Variants in ICA1L observed in about 807,000 individuals in gnomAD.
ICA1L encodes islet cell autoantigen 1 like, also known as islet cell autoantigen 1-like protein.
Under a neutral mutation model 61.3 loss-of-function variants are expected in ICA1L, and 50 were observed. That is an observed-to-expected ratio of 0.82 (90% CI 0.65 to 1.03). The LOEUF (loss-of-function observed/expected upper bound fraction) is 1.03. ICA1L is among the 50% of genes least tolerant of loss of function. The pLI, the probability that ICA1L is intolerant of heterozygous loss-of-function variation, is 0.00. For synonymous variants in ICA1L, 161 were observed against 191.3 expected (o/e 0.84, Z 1.31); for missense variants, 508 against 556.7 (o/e 0.91, Z 0.88).
rs554455479 is a variant in ICA1L at position 202,856,672 on chromosome 2, G to A, written c.-8+14947C>T. On this transcript the variant is annotated intron_variant, in intron 1 of 12. Coordinates refer to ENST00000358299, the MANE Select transcript of ICA1L (RefSeq NM_001288622.3). ...AAAGAAATAAAGGGTATTCAAATAG[G>A]AAGAGAGGAAGTCAACTTATCTCTG... 5.9e-5 allele frequency among the ~76,000 whole-genome samples: 9 copies of A among 152,252 alleles called. No homozygotes were observed. In the South Asian group the frequency reaches 1.7e-3, roughly 28 times the overall value.
chr2:202,850,956 C>CAT (rs1694600866), intron 1 of ICA1L, among the ~76,000 whole-genome samples: 1 of 151,712 alleles, frequency 6.6e-6, no homozygotes, highest in Non-Finnish European at 1.5e-5. Flanking sequence ...AGAACCCCTA[C>CAT]AAGCCAGAAG....
chr2:202,793,972 T>TA (rs1338535444), intron 10 of ICA1L, among the ~76,000 whole-genome samples: 1 of 141,546 alleles, frequency 7.1e-6, no homozygotes, highest in Non-Finnish European at 1.5e-5. Context: ...GGCAACGAGT[T>TA]AAACTCCAGC....
At chr2:202,786,721 T>C in intron 11 of ICA1L, 1 of 453,556 alleles carries the variant, frequency 2.2e-6, no homozygotes, top group Non-Finnish European at 4.4e-6. Flanking sequence ...CTTAAGGAAA[T>C]AATTTAGCTG....
chr2:202,867,038 G>GA (rs1260541916), intron 1 of ICA1L, among the ~76,000 whole-genome samples: 2 of 151,354 alleles, frequency 1.3e-5, no homozygotes, highest in African/African-American at 2.4e-5. Context: ...CATTATAAAA[G>GA]AAAAAAAATC....
At chr2:202,779,684 C>T (rs1692333934) in intron 12 of ICA1L, 36 bp from the exon 13 acceptor site, 1 of 1,221,314 alleles carries the variant, frequency 8.2e-7, no homozygotes. Context: ...TAAAGAGATT[C>T]AGTTTTGAAA....
chr2:202,789,561 C>A (rs540151630), intron 10 of ICA1L, among the ~76,000 whole-genome samples: 2 of 152,146 alleles, frequency 1.3e-5, no homozygotes, highest in East Asian at 3.9e-4. Flanking sequence ...TATACTAAGG[C>A]ACACACACAC....
At chr2:202,870,417 C>A (rs1687665240) in intron 1 of ICA1L, 1 of 152,106 alleles carries the variant, frequency 6.6e-6, no homozygotes, top group African/African-American at 2.4e-5. Context: ...ACTAGATAAA[C>A]AATCATTTTG....
chr2:202,796,916 G>T lies in ICA1L; in HGVS notation c.959C>A (p.Ala320Glu). 1 of 1,600,736 alleles carries T rather than the reference G, an allele frequency of 6.2e-7. No individual in the cohort carries two copies. The change falls in exon 10 of 13, where the codon GCA becomes GAA. Residue 320 changes from alanine (A) to glutamate (E), a missense_variant. By Grantham distance (107) the Ala-to-Glu change is moderately radical. Transcript: ENST00000358299. ...EKHSQMREFG[A>E]PQFSNSENVA... is the part of the protein sequence containing the mutation. ...ATTTTCAGAGTTAGAAAACTGAGGT[G>T]CTCCAAATTCTCTCATTTGAGAATG...
chr2:202,806,816 AATG>A (rs1388971029), intron 9 of ICA1L, among the ~76,000 whole-genome samples: 3 of 152,310 alleles, frequency 2.0e-5, no homozygotes, highest in African/African-American at 7.2e-5. Context: ...GAGAGCCATA[AATG>A]ATGTTTTAAA....
chr2:202,796,475 G>A (rs558052510), intron 10 of ICA1L, among the ~76,000 whole-genome samples: 56 of 152,268 alleles, frequency 3.7e-4, no homozygotes, highest in African/African-American at 1.3e-3. Context: ...TACAGATAAG[G>A]AAACCAGAAC....
intron 1 of ICA1L, among the ~76,000 whole-genome samples, chr2:202,855,406 A>G (rs775556672): frequency 3.9e-5 from 6 of 152,198 alleles, no homozygotes; most frequent in Non-Finnish European, 7.3e-5. Flanking sequence ...TAGCCAGACT[A>G]ATGAAAAAAG....
intron 1 of ICA1L, among the ~76,000 whole-genome samples, chr2:202,863,339 C>G (rs1559152201): frequency 6.6e-6 from 1 of 151,826 alleles, no homozygotes; most frequent in East Asian, 1.9e-4. Context: ...ATGCTTCCAC[C>G]TTAAGAAGTT....
At chr2:202,793,813 C>G (rs549464740) in intron 10 of ICA1L, among the ~76,000 whole-genome samples, 3 of 151,354 alleles carry the variant, frequency 2.0e-5, no homozygotes, top group Non-Finnish European at 4.4e-5. Flanking sequence ...ATGGTGAAAC[C>G]CCATCTCTAC....
At chr2:202,850,087 G>A (rs1694576705) in intron 1 of ICA1L, among the ~76,000 whole-genome samples, 1 of 152,032 alleles carries the variant, frequency 6.6e-6, no homozygotes, top group Non-Finnish European at 1.5e-5. Flanking sequence ...CAAACAGAAA[G>A]CAATAACATC....
chr2:202,796,093 C>T (rs545329432), intron 10 of ICA1L, among the ~76,000 whole-genome samples: 116 of 146,060 alleles, frequency 7.9e-4, no homozygotes, highest in Middle Eastern at 3.6e-3. Context: ...AAAAAGGTAA[C>T]GTTTGATCCA....
intron 10 of ICA1L, among the ~76,000 whole-genome samples, chr2:202,792,783 G>A (rs577528757): frequency 9.2e-5 from 14 of 152,084 alleles, no homozygotes; most frequent in Admixed American, 3.3e-4. Context: ...CAGCCTGGGC[G>A]ACAGAGTGAG....
intron 1 of ICA1L, among the ~76,000 whole-genome samples, chr2:202,838,964 C>T (rs1694233799): frequency 6.6e-6 from 1 of 152,184 alleles, no homozygotes; most frequent in Non-Finnish European, 1.5e-5. Flanking sequence ...ACTCACTTAT[C>T]ACCATGGGGA....
At chr2:202,845,284 G>C (rs1394769814) in intron 1 of ICA1L, among the ~76,000 whole-genome samples, 1 of 152,124 alleles carries the variant, frequency 6.6e-6, no homozygotes, top group Admixed American at 6.6e-5. Context: ...GCCTCTATCA[G>C]TTTTCACTCT....
rs560862998 is a variant in ICA1L at position 202,824,534 on chromosome 2, G to C, written c.235+1161C>G. Reference sequence around the variant, plus strand: ...AGGGAAAGGGGTATTGTATTGTATTGTATTTTTTGTACCCTCTGAGGGCAG... The same window carrying C: ...AGGGAAAGGGGTATTGTATTGTATTCTATTTTTTGTACCCTCTGAGGGCAG... On this transcript the variant is annotated intron_variant, in intron 3 of 12. Coordinates refer to ENST00000358299, the MANE Select transcript of ICA1L (RefSeq NM_001288622.3). Among the ~76,000 whole-genome samples the C allele has an allele frequency of 2.6e-5, 4 of 152,234 alleles. No individual in the cohort carries two copies. The East Asian group carries it at 7.7e-4, about 29-fold the overall frequency.
Sources: allele counts gnomAD v4.1 joint callset (sites outside exome capture counted in the v4.1 genomes callset), GRCh38; gene constraint gnomAD v4.1.1; transcripts MANE v1.5; gene names NCBI Gene and HGNC (gene_info 2026-07-23, HGNC 2026-07-21).